FN1: variants seen among roughly 807,000 people sequenced by gnomAD.
FN1 encodes the protein fibronectin 1, also known as fibronectin.
In FN1, 106 loss-of-function variants were observed where a neutral mutation model predicts 297.3. The ratio of observed to expected loss-of-function variants is 0.36; its 90% CI spans 0.30 to 0.42. FN1 has a LOEUF of 0.42. Ranked by LOEUF, FN1 falls within the 10% of genes least tolerant of loss-of-function variation. FN1 has a pLI of 1.00. For missense variants in FN1, 2,690 were observed against 3,124.9 expected (o/e 0.86, Z 3.32); for synonymous variants, 1,149 against 1,152.6 (o/e 1.00, Z 0.06).
At chr2:215,378,302 C>G (rs369717241) in intron 34 of FN1, 40 bp from the exon 35 acceptor site, 7 of 1,080,554 alleles carry the variant, frequency 6.5e-6, no homozygotes, top group Non-Finnish European at 1.0e-5. Context: ...GCAACGTCCT[C>G]AACTGAAACC....
intron 12 of FN1, 65 bp from the exon 13 acceptor site, chr2:215,415,023 A>G: frequency 8.0e-7 from 1 of 1,252,114 alleles, no homozygotes. Context: ...AAAACTGTGT[A>G]CATGGACAGT....
At position 215,375,869 on chromosome 2, in the gene FN1, G is replaced by C. The variant is rs550098678; in HGVS notation, c.5888-151C>G. 4.1e-5 allele frequency: 28 copies of C among 684,076 alleles called. No individual in the cohort carries two copies. In the South Asian group the frequency reaches 4.2e-4, roughly 10 times the overall value. The allele number at this position is 684,076 out of a possible 1,614,324, so 42.4% of individuals were successfully genotyped here. A position where few individuals can be genotyped will look rare whatever the true frequency, so the allele number is the denominator to read the frequency against. On this transcript the variant is annotated intron_variant, in intron 36 of 45. Coordinates refer to ENST00000354785, the MANE Select transcript of FN1 (RefSeq NM_212482.4). ...ACATTTGAACAGTAAAGTAGAGCATGCTATGGATGTTAACTGTTAACAAGA... is the reference window on the plus strand; with the variant it reads ...ACATTTGAACAGTAAAGTAGAGCATCCTATGGATGTTAACTGTTAACAAGA...
chr2:215,406,560 T>G lies in FN1; in HGVS notation c.2714-50A>C, dbSNP rs748925559. 3 of 1,592,106 alleles carry G rather than the reference T, an allele frequency of 1.9e-6. No homozygotes were observed. In the African/African-American group the frequency reaches 4.0e-5, roughly 21 times the overall value. On this transcript the variant is annotated intron_variant, in intron 18 of 45. Coordinates refer to ENST00000354785, the MANE Select transcript of FN1 (RefSeq NM_212482.4). ...ATTCACATTCTCTGCTGAAGATTAC[T>G]TTTAAGAAGCCAGTTTCTTGGATAT...
chr2:215,376,487 A>G lies in FN1; in HGVS notation c.5887+11T>C, dbSNP rs375829214. ...GTTAACAAATGTGGTTAGTGCAATG[A>G]GTTCCCTGACCTGTGATGGTGTAGC... On this transcript the variant is annotated intron_variant, in intron 36 of 45. Coordinates refer to ENST00000354785, the MANE Select transcript of FN1 (RefSeq NM_212482.4). 2.4e-4 allele frequency: 382 copies of G among 1,613,396 alleles called. No homozygotes were observed. Among genetic ancestry groups the G allele is most frequent in the Non-Finnish European group, 3.0e-4 (348 of 1,179,386 alleles).
At position 215,394,602 on chromosome 2, in the gene FN1, A is replaced by G. The variant is rs1237898787; in HGVS notation, c.3722T>C (p.Leu1241Pro). Reference protein sequence around the residue: ...SCTFDNLSPGLEYNVSVYTVK... With the variant: ...SCTFDNLSPGPEYNVSVYTVK... ...AGTGTAAACACTGACATTGTACTCC[A>G]GGCCGGGACTCAGGTTATCAAAAGT... The change falls in exon 24 of 46, where the codon CTG (leucine) becomes CCG (proline). Residue 1241 changes from leucine (L) to proline (P), a missense_variant. This residue lies in a region of FN1 where 1,743 missense variants were observed against 1,945.2 expected (regional missense o/e 0.90). Transcript: ENST00000354785. 1 of 1,614,010 alleles carries G rather than the reference A, an allele frequency of 6.2e-7. No homozygotes were observed. The highest frequency in any genetic ancestry group is 8.5e-7 in the Non-Finnish European group (1 of 1,179,992).
intron 18 of FN1, 95 bp from the exon 19 acceptor site, chr2:215,406,605 C>T: frequency 2.3e-6 from 3 of 1,320,802 alleles, no homozygotes; most frequent in East Asian, 4.9e-5. Context: ...TTCATTGAGC[C>T]TCTCATTCGA....
chr2:215,395,952 T>C (rs1030842173), intron 23 of FN1, among the ~76,000 whole-genome samples: 7 of 152,212 alleles, frequency 4.6e-5, no homozygotes, highest in Non-Finnish European at 1.0e-4. Flanking sequence ...GGAAATTGTA[T>C]AGCTTTGGCT....
chr2:215,430,239 C>T (rs1193060023), intron 5 of FN1, among the ~76,000 whole-genome samples: 1 of 152,102 alleles, frequency 6.6e-6, no homozygotes, highest in African/African-American at 2.4e-5. Context: ...GCCTTCAAAC[C>T]CAAAGGCAAC....
At chr2:215,380,454 T>TC in intron 33 of FN1, 1 of 284,802 alleles carries the variant, frequency 3.5e-6, no homozygotes, top group South Asian at 4.5e-5. Flanking sequence ...GAGTTTGGGT[T>TC]CCTTTTTATA....
At chr2:215,387,328 T>C (rs2059152960) in intron 27 of FN1, among the ~76,000 whole-genome samples, 2 of 152,072 alleles carry the variant, frequency 1.3e-5, no homozygotes, top group South Asian at 4.1e-4. Flanking sequence ...TCTGTGTTTC[T>C]ATCCTGTAAG....
chr2:215,419,423 G>T, intron 11 of FN1, 38 bp from the exon 12 acceptor site: 1 of 1,569,368 alleles, frequency 6.4e-7, no homozygotes, highest in South Asian at 1.1e-5. Flanking sequence ...CAGCCTTGAA[G>T]ACTTATAACT....
chr2:215,432,344 C>CA (rs1399062015), intron 3 of FN1, among the ~76,000 whole-genome samples: 5 of 152,312 alleles, frequency 3.3e-5, no homozygotes, highest in East Asian at 3.9e-4. Flanking sequence ...CACAGCACTC[C>CA]AGCTTTTGGG....
In FN1 at chr2:215,394,240, A is replaced by G. The variant is rs566967291; in HGVS notation, c.3796+288T>C. On this transcript the variant is annotated intron_variant, in intron 24 of 45. Coordinates refer to ENST00000354785, the MANE Select transcript of FN1 (RefSeq NM_212482.4). ...ACAGACACGTGACAGTGTTTTAGTC[A>G]TACTTCCATGTGAGCAGACAATACA... Among the ~76,000 whole-genome samples, 3 of 152,336 alleles carry G rather than the reference A, an allele frequency of 2.0e-5. No individual in the cohort carries two copies. In the South Asian group the frequency reaches 6.2e-4, roughly 32 times the overall value.
intron 36 of FN1, among the ~76,000 whole-genome samples, chr2:215,376,046 T>C (rs2057229589): frequency 6.6e-6 from 1 of 152,206 alleles, no homozygotes; most frequent in African/African-American, 2.4e-5. Context: ...AGATGGTCAA[T>C]AGTTGAGCCT....
chr2:215,377,081 A>AGTGTGTGTGT (rs66762371), intron 35 of FN1, among the ~76,000 whole-genome samples: 1 of 147,444 alleles, frequency 6.8e-6, no homozygotes, highest in Admixed American at 6.8e-5. Context: ...AGAGAGAGAG[A>AGTGTGTGTGT]GTGTGTGTGT....
At chr2:215,370,213 CAA>C in intron 41 of FN1, 79 bp downstream of exon 41, 1 of 1,424,554 alleles carries the variant, frequency 7.0e-7, no homozygotes. Flanking sequence ...ACAATGGCAA[CAA>C]AGGTACAGTC....
chr2:215,425,544 TGTTTTTTG>T (rs1414135428), intron 6 of FN1, among the ~76,000 whole-genome samples: 2 of 152,162 alleles, frequency 1.3e-5, no homozygotes, highest in South Asian at 2.1e-4. Flanking sequence ...TTTGTTTGTT[TGTTTTTTG>T]GTTTTTTGGG....
chr2:215,367,768 C>G, intron 42 of FN1, 95 bp downstream of exon 42: 1 of 1,215,306 alleles, frequency 8.2e-7, no homozygotes, highest in East Asian at 2.4e-5. Flanking sequence ...TTTGGAAGAA[C>G]CTGTGTCTTC....
rs548899134 is a variant in FN1, at chr2:215,397,705, C to T, written c.3492G>A (p.Ala1164=). ...GTGTCACCACTTTGTTTACAATTGG[C>T]GCATCTCTTTCCTGTCCATCTCTCA... ...QVLRDGQERD[A]PIVNKVVTPL... Residue 1164 remains alanine (A), a synonymous_variant, in exon 22 of 46, where the codon GCG becomes GCA. Coordinates refer to ENST00000354785, the MANE Select transcript of FN1 (RefSeq NM_212482.4). 2.9e-5 allele frequency: 47 copies of T among 1,614,044 alleles called. No homozygotes were observed. Among genetic ancestry groups the T allele is most frequent in the African/African-American group, 2.1e-4 (16 of 75,054 alleles).
Sources: allele counts gnomAD v4.1 joint callset (sites outside exome capture counted in the v4.1 genomes callset), GRCh38; gene constraint gnomAD v4.1.1; regional missense constraint gnomAD v4.1.1; transcripts MANE v1.5; gene names NCBI Gene and HGNC (gene_info 2026-07-23, HGNC 2026-07-21).